The following TCL1A variants were observed in gnomAD, a reference collection of about 807,000 sequenced individuals.
TCL1A encodes T-cell leukemia/lymphoma protein 1A.
Under a neutral mutation model 16.9 loss-of-function variants are expected in TCL1A, and 9 were observed. That is an observed-to-expected ratio of 0.53 (90% CI 0.32 to 0.93). TCL1A has a LOEUF of 0.93. Among genes scored for constraint, TCL1A ranks in the 40% least tolerant of loss-of-function variants. The pLI is 0.04. For synonymous variants in TCL1A, 69 were observed against 63.2 expected, an observed-to-expected ratio of 1.09 and a Z score of -0.44; for missense variants, 139 against 153.0, an observed-to-expected ratio of 0.91 and a Z score of 0.48.
Position 95,713,942 on chromosome 14 carries a change from T to A in TCL1A, c.120+5A>T, listed in dbSNP as rs1405560427. 6.2e-7 allele frequency: 1 copy of A among 1,613,492 alleles called. No individual in the cohort carries two copies. The stretch of plus-strand genomic sequence containing the variant: ...CCTCGCCATCCGCTCCAAAGCTGGC[T>A]GTACCTCGATGGTTAAGGGCAGCCA... On this transcript the variant is annotated splice_donor_5th_base_variant and intron_variant, in intron 1 of 3. Coordinates refer to ENST00000402399, the MANE Select transcript of TCL1A (RefSeq NM_021966.3).
chr14:95,712,807 AAG>A (rs1207983761), intron 1 of TCL1A: 5 of 659,978 alleles, frequency 7.6e-6, no homozygotes, highest in African/African-American at 3.8e-5. Context: ...CAAAGAAAGA[AAG>A]AGAGAAAAAG....
In TCL1A at chr14:95,712,117, T is replaced by C. The variant is rs1264176040; in HGVS notation, c.297+103A>G. The C allele has an allele frequency of 2.1e-5, 29 of 1,395,068 alleles. No homozygotes were observed. In the East Asian group the frequency reaches 5.0e-4, roughly 24 times the overall value. The allele number at this position is 1,395,068 out of a possible 1,614,324, so 86.4% of individuals were successfully genotyped here. ...CTTGTACATTTCCCCCATTTTTTAA[T>C]GCTTTTGGGACTGGGATGGAGGGAA... On this transcript the variant is annotated intron_variant, in intron 2 of 3. Transcript: ENST00000402399.
chr14:95,711,775 C>G lies in TCL1A; in HGVS notation c.325G>C (p.Glu109Gln), dbSNP rs1338911010. 39 of 1,612,712 alleles carry G rather than the reference C, an allele frequency of 2.4e-5. No individual in the cohort carries two copies. In the Admixed American group the frequency reaches 6.3e-4, roughly 26 times the overall value. The change falls in exon 3 of 4, where the codon GAG (glutamate) becomes CAG (glutamine). Residue 109 changes from glutamate (E) to glutamine (Q), a missense_variant. Around this residue, in one of 2 missense-constraint regions of TCL1A, gnomAD observed 45 missense variants for 72.8 expected, o/e 0.62. Coordinates refer to ENST00000402399, the MANE Select transcript of TCL1A (RefSeq NM_021966.3). ...KIDGVEDMLLELLPDD is the reference protein window; with the variant it reads ...KIDGVEDMLLQLLPDD Reference sequence around the variant, plus strand: ...ATACATCAGTCATCTGGCAGCAGCTCGAGAAGCATGTCCTCCACGCCGTCA... The same window carrying G: ...ATACATCAGTCATCTGGCAGCAGCTGGAGAAGCATGTCCTCCACGCCGTCA...
intron 2 of TCL1A, 63 bp downstream of exon 2, chr14:95,712,157 G>T: frequency 6.3e-7 from 1 of 1,588,038 alleles, no homozygotes; most frequent in Non-Finnish European, 8.6e-7. Flanking sequence ...AACCACTAAG[G>T]CCAGACATGG....
chr14:95,711,337 C>T lies in TCL1A; in HGVS notation c.*6+412G>A, dbSNP rs938599484. On this transcript the variant is annotated intron_variant, in intron 3 of 3. Coordinates refer to ENST00000402399, the MANE Select transcript of TCL1A (RefSeq NM_021966.3). ...AAAAAAAATTAGCCAGGTGTGGTGG[C>T]GGGCGCCTGTAGTCCCAGCTACTCC... is the stretch of plus-strand genomic sequence containing the variant. 24 of 150,904 alleles carry T rather than the reference C, an allele frequency of 1.6e-4. No individual in the cohort carries two copies. In the South Asian group the frequency reaches 2.5e-3, roughly 16 times the overall value. The allele number at this position is 150,904 out of a possible 1,614,324, so 9.3% of individuals were successfully genotyped here. A position where few individuals can be genotyped will look rare whatever the true frequency, so the allele number is the denominator to read the frequency against.
intron 1 of TCL1A, 146 bp downstream of exon 1, chr14:95,713,801 C>CAGAGCCCGGCTCAAAGTGGCTTCATCTG (rs1223269159): frequency 7.6e-7 from 1 of 1,307,738 alleles, no homozygotes; most frequent in Non-Finnish European, 1.0e-6. Context: ...ATTCATCCTC[C>CAGAGCCCGGCTCAAAGTGGCTTCATCTG]AGAGCCCGGC....
intron 1 of TCL1A, among the ~76,000 whole-genome samples, chr14:95,713,516 T>G (rs964804914): frequency 6.6e-6 from 1 of 152,308 alleles, no homozygotes; most frequent in African/African-American, 2.4e-5. Flanking sequence ...TACTTCACAC[T>G]CTAGGCCAGT....
chr14:95,710,073 C>T lies in TCL1A; in HGVS notation c.*815G>A, dbSNP rs1173325206. ...GCACGAAGTTAGATAAACTATCTTG[C>T]ATTTAATCAATCATTACAAAAAGTA... On this transcript the variant is annotated 3_prime_UTR_variant, in exon 4 of 4. Coordinates refer to ENST00000402399, the MANE Select transcript of TCL1A (RefSeq NM_021966.3). 1 of 152,206 alleles carries T rather than the reference C, an allele frequency of 6.6e-6. No homozygotes were observed. Among genetic ancestry groups the T allele is most frequent in the African/African-American group, 2.4e-5 (1 of 41,450 alleles). The allele number at this position is 152,206 out of a possible 1,614,324, so 9.4% of individuals were successfully genotyped here.
chr14:95,711,828 C>T (rs1041222360), intron 2 of TCL1A, 26 bp from the exon 3 acceptor site: 11 of 1,605,190 alleles, frequency 6.9e-6, no homozygotes, highest in Middle Eastern at 1.7e-4. Context: ...AGAGAGAAGG[C>T]ATTGATCGGC....
chr14:95,713,491 A>T (rs1886438605), intron 1 of TCL1A, among the ~76,000 whole-genome samples: 1 of 152,220 alleles, frequency 6.6e-6, no homozygotes, highest in Non-Finnish European at 1.5e-5. Context: ...AATAAAGCCC[A>T]GAGGTAGTGG....
At chr14:95,711,628 AGGGACC>A in intron 3 of TCL1A, 115 bp downstream of exon 3, 4 of 1,170,770 alleles carry the variant, frequency 3.4e-6, no homozygotes, top group Admixed American at 4.3e-5. Flanking sequence ...TCCCATCCCT[AGGGACC>A]CTCAGATGGC....
chr14:95,712,205 G>A lies in TCL1A; in HGVS notation c.297+15C>T. On this transcript the variant is annotated intron_variant, in intron 2 of 3. Coordinates refer to ENST00000402399, the MANE Select transcript of TCL1A (RefSeq NM_021966.3). ...CCAAGATCACCCGATGGACCTCTGGGAGAAAGACACTCACCTTGATGTGGT... is the reference window on the plus strand; with the variant it reads ...CCAAGATCACCCGATGGACCTCTGGAAGAAAGACACTCACCTTGATGTGGT... 2 of 1,614,126 alleles carry A rather than the reference G, an allele frequency of 1.2e-6. No individual in the cohort carries two copies. Among genetic ancestry groups the A allele is most frequent in the Non-Finnish European group, 1.7e-6 (2 of 1,180,032 alleles).
At chr14:95,712,016 G>A in intron 2 of TCL1A, 1 of 859,336 alleles carries the variant, frequency 1.2e-6, no homozygotes, top group Non-Finnish European at 1.8e-6. Context: ...GTGGCTGGGA[G>A]GAAGTGGAGG....
At position 95,714,030 on chromosome 14, in the gene TCL1A, C is replaced by T. The variant is rs745655183; in HGVS notation, c.37G>A (p.Asp13Asn). 11 of 1,614,064 alleles carry T rather than the reference C, an allele frequency of 6.8e-6. No individual in the cohort carries two copies. The South Asian group carries it at 9.9e-5, about 14-fold the overall frequency. ...CAGGCCCACAGGCGGTCCGGGTGGT[C>T]GGTGACTGCCTCCCCGAGTGTCGGG... ...ECPTLGEAVT[D>N]HPDRLWAWEK... Residue 13 changes from aspartate to asparagine, a missense_variant, in exon 1 of 4, where the codon GAC becomes AAC. Transcript: ENST00000402399.
At chr14:95,711,557 G>A (rs995882378) in intron 3 of TCL1A, 192 bp downstream of exon 3, 2 of 586,048 alleles carry the variant, frequency 3.4e-6, no homozygotes, top group South Asian at 4.5e-5. Context: ...AAAGGGGGCT[G>A]CCTACAAAGC....
At chr14:95,712,835 A>C in intron 1 of TCL1A, 1 of 498,716 alleles carries the variant, frequency 2.0e-6, no homozygotes, top group Non-Finnish European at 3.3e-6. Flanking sequence ...TGGCCTTTTC[A>C]ATGATGTGAG....
intron 1 of TCL1A, among the ~76,000 whole-genome samples, chr14:95,713,019 TAAAA>T (rs143325993): frequency 0.015 from 2,348 of 152,298 alleles, 55 homozygotes; most frequent in African/African-American, 0.054. Context: ...ATTTTGATTT[TAAAA>T]AAGTAAGTAT....
chr14:95,711,494 G>C (rs891320648), intron 3 of TCL1A: 1 of 401,514 alleles, frequency 2.5e-6, no homozygotes, highest in African/African-American at 2.1e-5. Flanking sequence ...AATGGTAAAT[G>C]AAAGTGCCAG....
chr14:95,712,146 A>T (rs1886372407), intron 2 of TCL1A, 74 bp downstream of exon 2: 2 of 1,561,028 alleles, frequency 1.3e-6, no homozygotes, highest in Admixed American at 1.7e-5. Context: ...GAGGGAAGAT[A>T]AACCACTAAG....
Sources: gnomAD v4.1 joint callset for allele counts (sites outside exome capture counted in the v4.1 genomes callset) on GRCh38, gnomAD v4.1.1 for gene constraint, gnomAD v4.1.1 regional missense constraint, MANE v1.5 for transcripts, NCBI Gene and HGNC (gene_info 2026-07-23, HGNC 2026-07-21) for gene names.